Variants in GABRA2 observed in about 807,000 individuals in gnomAD.
The protein encoded by GABRA2 is gamma-aminobutyric acid type A receptor subunit alpha2, also known as gamma-aminobutyric acid receptor subunit alpha-2.
GABRA2 carries 16 observed loss-of-function variants against 48.7 expected under a neutral mutation model. The observed-to-expected ratio is 0.33, with a 90% CI of 0.22 to 0.50. GABRA2 has a LOEUF of 0.50. Among genes scored for constraint, GABRA2 ranks in the 20% least tolerant of loss-of-function variants. GABRA2 has a pLI of 0.98. For synonymous variants in GABRA2, 185 were observed against 184.5 expected, an observed-to-expected ratio of 1.00 and a Z score of -0.02; for missense variants, 275 against 535.6, an observed-to-expected ratio of 0.51 and a Z score of 4.80.
At chr4:46,283,111 T>C (rs1222415725) in intron 8 of GABRA2, among the ~76,000 whole-genome samples, 2 of 152,210 alleles carry the variant, frequency 1.3e-5, no homozygotes, top group Admixed American at 6.5e-5. Flanking sequence ...ATCAATCTGA[T>C]AGATAGTCAA....
At chr4:46,307,885 C>T (rs988295639) in intron 6 of GABRA2, among the ~76,000 whole-genome samples, 1 of 152,074 alleles carries the variant, frequency 6.6e-6, no homozygotes, top group Non-Finnish European at 1.5e-5. Flanking sequence ...AAAGCCTCTC[C>T]CGAAGAGGGC....
chr4:46,354,206 C>T lies in GABRA2; in HGVS notation c.188-21524G>A, dbSNP rs1216328452. ...AAAGTTTGTTACTTGCCCAAGGTTA[C>T]ACAGCAGGTAAGTGGCAGAGCCAAT... On this transcript the variant is annotated intron_variant, in intron 3 of 9. Transcript: ENST00000381620. Among the ~76,000 whole-genome samples, 6 of 152,110 alleles carry T rather than the reference C, an allele frequency of 3.9e-5. No individual in the cohort carries two copies. In the East Asian group the frequency reaches 9.7e-4, roughly 24 times the overall value.
chr4:46,301,048 C>T (rs1343958114), intron 8 of GABRA2, among the ~76,000 whole-genome samples: 3 of 152,052 alleles, frequency 2.0e-5, no homozygotes, highest in Non-Finnish European at 4.4e-5. Flanking sequence ...TGGAGATCTA[C>T]TATATAGCAT....
At chr4:46,277,491 C>A (rs941878351) in intron 8 of GABRA2, among the ~76,000 whole-genome samples, 1 of 152,164 alleles carries the variant, frequency 6.6e-6, no homozygotes, top group African/African-American at 2.4e-5. Flanking sequence ...ACCACCCAGG[C>A]ATTCTGCTCC....
chr4:46,374,849 C>T (rs1209551275), intron 3 of GABRA2, among the ~76,000 whole-genome samples: 1 of 151,820 alleles, frequency 6.6e-6, no homozygotes, highest in Non-Finnish European at 1.5e-5. Flanking sequence ...AAAAAAATGG[C>T]ATCACACATA....
chr4:46,285,053 A>G (rs1421557211), intron 8 of GABRA2, among the ~76,000 whole-genome samples: 1 of 151,278 alleles, frequency 6.6e-6, no homozygotes, highest in East Asian at 1.9e-4. Flanking sequence ...AAACCTCAGA[A>G]AACATTGAAG....
chr4:46,359,833 C>T (rs1197733819), intron 3 of GABRA2, among the ~76,000 whole-genome samples: 4 of 151,626 alleles, frequency 2.6e-5, no homozygotes, highest in Admixed American at 1.3e-4. Flanking sequence ...AGGAGAATGG[C>T]GTGAACCTGG....
At chr4:46,330,591 T>TAGAGAGAGAGAGAGAGAGAG (rs1553916278) in intron 4 of GABRA2, among the ~76,000 whole-genome samples, 51 of 122,688 alleles carry the variant, frequency 4.2e-4, no homozygotes, top group East Asian at 2.2e-3. Flanking sequence ...TATATATATA[T>TAGAGAGAGAGAGAGAGAGAG]AGAGAGAGAG....
At chr4:46,269,634 A>T (rs1381160767) in intron 8 of GABRA2, among the ~76,000 whole-genome samples, 1 of 151,906 alleles carries the variant, frequency 6.6e-6, no homozygotes. Context: ...GAAAAGAAAC[A>T]CCTACAGTTA....
chr4:46,285,503 T>G (rs1180047878), intron 8 of GABRA2, among the ~76,000 whole-genome samples: 1 of 152,112 alleles, frequency 6.6e-6, no homozygotes, highest in Non-Finnish European at 1.5e-5. Flanking sequence ...GTTGACTCCC[T>G]CCGAAATATA....
rs1193830243 is a variant in GABRA2, at chr4:46,276,127, T to C, written c.857-13999A>G. Among the ~76,000 whole-genome samples the C allele has an allele frequency of 3.9e-5, 6 of 152,250 alleles. No homozygotes were observed. The East Asian group carries it at 7.7e-4, about 20-fold the overall frequency. Reference sequence around the variant, plus strand: ...CCAAAGAAAACAAGAACAAAAAAACTATTCTCTTGAAACACTTGAAACATG... The same window carrying C: ...CCAAAGAAAACAAGAACAAAAAAACCATTCTCTTGAAACACTTGAAACATG... On this transcript the variant is annotated intron_variant, in intron 8 of 9. Transcript: ENST00000381620.
chr4:46,288,678 T>C (rs1723012759), intron 8 of GABRA2, among the ~76,000 whole-genome samples: 2 of 152,132 alleles, frequency 1.3e-5, no homozygotes, highest in South Asian at 4.1e-4. Flanking sequence ...ATGAAGATGA[T>C]AAAAGCAATT....
intron 8 of GABRA2, among the ~76,000 whole-genome samples, chr4:46,295,809 G>A (rs1724526519): frequency 6.6e-6 from 1 of 152,176 alleles, no homozygotes. Flanking sequence ...GTTCTCACTT[G>A]AATGGACACT....
chr4:46,287,447 C>T (rs549091452), intron 8 of GABRA2, among the ~76,000 whole-genome samples: 4 of 151,478 alleles, frequency 2.6e-5, no homozygotes, highest in East Asian at 1.9e-4. Context: ...TACTATGCAG[C>T]CATAAAAAAT....
intron 8 of GABRA2, among the ~76,000 whole-genome samples, chr4:46,295,382 G>C (rs1036364834): frequency 6.6e-6 from 1 of 152,220 alleles, no homozygotes; most frequent in East Asian, 1.9e-4. Context: ...TGAGGAAGAA[G>C]TATGTGGATG....
At chr4:46,311,076 C>T (rs1727568903) in intron 5 of GABRA2, among the ~76,000 whole-genome samples, 1 of 152,082 alleles carries the variant, frequency 6.6e-6, no homozygotes, top group Non-Finnish European at 1.5e-5. Flanking sequence ...ACAATATATT[C>T]CAAAATTATA....
At chr4:46,308,291 TG>T (rs1727052102) in intron 6 of GABRA2, among the ~76,000 whole-genome samples, 1 of 152,148 alleles carries the variant, frequency 6.6e-6, no homozygotes, top group East Asian at 1.9e-4. Flanking sequence ...AAAACAAGAC[TG>T]AATTTAAAAT....
At chr4:46,305,895 A>C (rs1373141678) in intron 6 of GABRA2, among the ~76,000 whole-genome samples, 184 bp from the exon 7 acceptor site, 1 of 152,190 alleles carries the variant, frequency 6.6e-6, no homozygotes, top group Non-Finnish European at 1.5e-5. Flanking sequence ...AAGTAGACCA[A>C]AAGAGATGAT....
chr4:46,318,005 C>T (rs1482406040), intron 4 of GABRA2, among the ~76,000 whole-genome samples: 1 of 151,470 alleles, frequency 6.6e-6, no homozygotes, highest in Non-Finnish European at 1.5e-5. Context: ...TAAATATGAA[C>T]ATCATAATTC....
Sources: allele counts gnomAD v4.1 joint callset (sites outside exome capture counted in the v4.1 genomes callset), GRCh38; gene constraint gnomAD v4.1.1; transcripts MANE v1.5; gene names NCBI Gene and HGNC (gene_info 2026-07-23, HGNC 2026-07-21).